The following ATP8A2 variants were observed in gnomAD, a reference collection of about 807,000 sequenced individuals.
ATP8A2 encodes phospholipid-transporting ATPase IB.
Under a neutral mutation model 165.6 loss-of-function variants are expected in ATP8A2, and 100 were observed. The ratio of observed to expected loss-of-function variants is 0.60; its 90% CI spans 0.51 to 0.71. ATP8A2 has a LOEUF of 0.71. Among genes scored for constraint, ATP8A2 ranks in the 30% least tolerant of loss-of-function variants. ATP8A2 has a pLI of 0.00. For synonymous variants in ATP8A2, 543 were observed against 548.8 expected (o/e 0.99, Z 0.15); for missense variants, 1,227 against 1,479.5 (o/e 0.83, Z 2.80).
At chr13:25,919,547 C>T (rs980833510) in intron 33 of ATP8A2, among the ~76,000 whole-genome samples, 1 of 151,996 alleles carries the variant, frequency 6.6e-6, no homozygotes, top group Admixed American at 6.6e-5. Flanking sequence ...TTCTCTACCC[C>T]TCCTCCAGCT....
chr13:25,372,550 A>G lies in ATP8A2; in HGVS notation c.76+262A>G, dbSNP rs1447457136. ...AGACCCCCGGCTCGTCCCTGTACAG[A>G]TGTGTGTGTGTGTGTGCGGCCTCCC... On this transcript the variant is annotated intron_variant, in intron 1 of 36. Coordinates refer to ENST00000381655, the MANE Select transcript of ATP8A2 (RefSeq NM_016529.6). The surrounding 1 kb of genome is among the most constrained non-coding windows in gnomAD (Gnocchi z 4.8). Among the ~76,000 whole-genome samples the G allele has an allele frequency of 1.3e-5, 2 of 151,234 alleles. No individual in the cohort carries two copies. Among genetic ancestry groups the G allele is most frequent in the East Asian group, 1.9e-4 (1 of 5,154 alleles).
At chr13:25,839,078 AG>A (rs1233093569) in intron 29 of ATP8A2, among the ~76,000 whole-genome samples, 2 of 152,220 alleles carry the variant, frequency 1.3e-5, no homozygotes, top group Non-Finnish European at 2.9e-5. Context: ...CCATGTAAAA[AG>A]TTACAAGTGG....
intron 27 of ATP8A2, among the ~76,000 whole-genome samples, chr13:25,803,572 G>T (rs1184348165): frequency 1.3e-5 from 2 of 152,170 alleles, no homozygotes; most frequent in Admixed American, 1.3e-4. Flanking sequence ...CAGATTAGTT[G>T]TGCAGTCCAA....
chr13:25,736,701 A>C (rs187416844), intron 25 of ATP8A2, among the ~76,000 whole-genome samples: 27 of 152,324 alleles, frequency 1.8e-4, no homozygotes, highest in African/African-American at 5.8e-4. Context: ...TGTTCCAATA[A>C]AACTTTATTT....
chr13:25,411,960 T>C (rs894813220), intron 1 of ATP8A2, among the ~76,000 whole-genome samples: 3 of 152,224 alleles, frequency 2.0e-5, no homozygotes, highest in Non-Finnish European at 4.4e-5. Context: ...TAAATAAAAA[T>C]GCAGTTTTTG....
At chr13:25,926,140 G>C (rs1954598882) in intron 33 of ATP8A2, among the ~76,000 whole-genome samples, 1 of 152,116 alleles carries the variant, frequency 6.6e-6, no homozygotes, top group Non-Finnish European at 1.5e-5. Context: ...TTATGAAATA[G>C]TCCATGATTC....
intron 1 of ATP8A2, among the ~76,000 whole-genome samples, chr13:25,418,221 G>T (rs754080658): frequency 6.6e-6 from 1 of 152,138 alleles, no homozygotes; most frequent in Non-Finnish European, 1.5e-5. Flanking sequence ...TGTATCAAAA[G>T]ATCCCCACTG....
rs1484373082 is a variant in ATP8A2, at chr13:25,372,881, G to A, written c.76+593G>A. 6.6e-6 allele frequency among the ~76,000 whole-genome samples: 1 copy of A among 151,468 alleles called. No individual in the cohort carries two copies. Among genetic ancestry groups the A allele is most frequent in the Non-Finnish European group, 1.5e-5 (1 of 67,794 alleles). Reference sequence around the variant, plus strand: ...CGAACACACACACGCACACGCGCGCGCACACACACACACAGGTACACACAC... The same window carrying A: ...CGAACACACACACGCACACGCGCGCACACACACACACACAGGTACACACAC... On this transcript the variant is annotated intron_variant, in intron 1 of 36. Coordinates refer to ENST00000381655, the MANE Select transcript of ATP8A2 (RefSeq NM_016529.6). The surrounding 1 kb of genome is among the most constrained non-coding windows in gnomAD (Gnocchi z 4.8).
In ATP8A2 at chr13:25,777,295, G is replaced by A. The variant is rs571663412; in HGVS notation, c.2679+2336G>A. ...TGGTTAGAGCCTTGACTCAGGCAGA[G>A]CCTACCTACCACTGCCAAATTACTT... is the stretch of plus-strand genomic sequence containing the variant. On this transcript the variant is annotated intron_variant, in intron 27 of 36. Transcript: ENST00000381655. 7.9e-5 allele frequency among the ~76,000 whole-genome samples: 12 copies of A among 152,246 alleles called. No homozygotes were observed. The South Asian group carries it at 2.5e-3, about 32-fold the overall frequency.
At chr13:25,494,045 A>AGCCCG (rs1279447273) in intron 2 of ATP8A2, among the ~76,000 whole-genome samples, 4 of 152,058 alleles carry the variant, frequency 2.6e-5, no homozygotes, top group African/African-American at 7.3e-5. Context: ...GGGAGGAGGC[A>AGCCCG]GAGTGCTCAA....
intron 33 of ATP8A2, among the ~76,000 whole-genome samples, chr13:25,941,401 C>A (rs1377898511): frequency 9.2e-5 from 14 of 152,274 alleles, no homozygotes; most frequent in Non-Finnish European, 1.8e-4. Flanking sequence ...CCCTCCCCTC[C>A]ATGCATGGCC....
chr13:25,460,372 G>C (rs1267832877), intron 1 of ATP8A2, among the ~76,000 whole-genome samples: 1 of 152,100 alleles, frequency 6.6e-6, no homozygotes, highest in African/African-American at 2.4e-5. Context: ...CCAGTGTTGG[G>C]GTCCTACGAG....
At chr13:25,542,117 G>C in intron 9 of ATP8A2, 71 bp downstream of exon 9, 1 of 1,429,716 alleles carries the variant, frequency 7.0e-7, no homozygotes. Flanking sequence ...TGGAAAATAT[G>C]TTTGTTTCCT....
At chr13:25,571,549 C>A in intron 17 of ATP8A2, 61 bp from the exon 18 acceptor site, 1 of 1,286,546 alleles carries the variant, frequency 7.8e-7, no homozygotes, top group Non-Finnish European at 1.1e-6. Context: ...AAAAGTGACA[C>A]TAAACAGAAT....
At chr13:25,952,969 T>A (rs1439982121) in intron 33 of ATP8A2, among the ~76,000 whole-genome samples, 1 of 152,004 alleles carries the variant, frequency 6.6e-6, no homozygotes, top group African/African-American at 2.4e-5. Flanking sequence ...TCAAAAACAA[T>A]ACAAAGAAGC....
intron 24 of ATP8A2, among the ~76,000 whole-genome samples, chr13:25,686,863 A>G (rs1348164939): frequency 6.6e-6 from 1 of 151,992 alleles, no homozygotes; most frequent in Non-Finnish European, 1.5e-5. Flanking sequence ...CACGGCTCTT[A>G]ACAGCTCATG....
intron 25 of ATP8A2, among the ~76,000 whole-genome samples, chr13:25,727,765 C>G (rs1045847929): frequency 1.3e-5 from 2 of 152,146 alleles, no homozygotes; most frequent in South Asian, 2.1e-4. Flanking sequence ...TTCATTTCCT[C>G]AAGTATGACA....
intron 33 of ATP8A2, among the ~76,000 whole-genome samples, chr13:25,903,627 G>A (rs906432605): frequency 6.6e-6 from 1 of 152,134 alleles, no homozygotes; most frequent in African/African-American, 2.4e-5. Flanking sequence ...TCTCTGCCAC[G>A]GTGGTCTCGT....
chr13:25,653,932 C>T (rs536362618), intron 24 of ATP8A2, among the ~76,000 whole-genome samples: 5 of 151,950 alleles, frequency 3.3e-5, no homozygotes, highest in South Asian at 2.1e-4. Context: ...TGGATGCTGG[C>T]GAGAGAGAGA....
Sources: gnomAD v4.1 joint callset for allele counts (sites outside exome capture counted in the v4.1 genomes callset) on GRCh38, gnomAD v4.1.1 for gene constraint, Gnocchi (gnomAD v3.1) non-coding constraint, MANE v1.5 for transcripts, NCBI Gene and HGNC (gene_info 2026-07-23, HGNC 2026-07-21) for gene names.